Variants in DNAJB4 observed in about 807,000 individuals in gnomAD.
DNAJB4 encodes dnaJ homolog subfamily B member 4.
A neutral mutation model predicts 26.6 loss-of-function variants in DNAJB4; 10 were observed. That is an observed-to-expected ratio of 0.38 (90% CI 0.23 to 0.64). The LOEUF (loss-of-function observed/expected upper bound fraction) is 0.64, where lower values mean the gene tolerates loss of function less well. Ranked by LOEUF, DNAJB4 falls within the 30% of genes least tolerant of loss-of-function variation. The probability of loss-of-function intolerance (pLI) is 0.58; values close to 1 mark genes in which losing one functional copy is unlikely to be tolerated. For synonymous variants in DNAJB4, 136 were observed against 134.8 expected, an observed-to-expected ratio of 1.01 and a Z score of -0.06; for missense variants, 328 against 408.2, an observed-to-expected ratio of 0.80 and a Z score of 1.69.
intron 1 of DNAJB4, among the ~76,000 whole-genome samples, chr1:77,993,027 TTC>T (rs1405404987): frequency 2.6e-5 from 4 of 152,118 alleles, no homozygotes; most frequent in Non-Finnish European, 5.9e-5. Flanking sequence ...CCCGGCCTAT[TTC>T]TGAGTGTTTA....
chr1:77,983,689 G>A (rs1251700554), intron 1 of DNAJB4, among the ~76,000 whole-genome samples: 2 of 152,208 alleles, frequency 1.3e-5, no homozygotes, highest in Non-Finnish European at 2.9e-5. Flanking sequence ...ACATGTTTCA[G>A]AGAGCACAGG....
intron 1 of DNAJB4, among the ~76,000 whole-genome samples, chr1:78,006,772 C>T (rs1170397680): frequency 6.6e-6 from 1 of 152,166 alleles, no homozygotes; most frequent in East Asian, 1.9e-4. Flanking sequence ...CTTGGTTTAT[C>T]TCAAAAGCTA....
rs1481230231 is a variant in DNAJB4, at chr1:78,017,254, A to T, written c.*1007A>T. The T allele has an allele frequency of 6.6e-6, 1 of 151,952 alleles. No homozygotes were observed. Among genetic ancestry groups the T allele is most frequent in the African/African-American group, 2.4e-5 (1 of 41,412 alleles). 9.4% of individuals were successfully genotyped at this position (151,952 alleles called of 1,614,324 possible). A position where few individuals can be genotyped will look rare whatever the true frequency, so the allele number is the denominator to read the frequency against. On this transcript the variant is annotated 3_prime_UTR_variant, in exon 3 of 3. Transcript: ENST00000370763. ...ATGCATATAAATATTTTACTTTTTC[A>T]CATGTATAGATTGCATTTCTTAGGT... is the stretch of plus-strand genomic sequence containing the variant.
chr1:78,009,226 C>T (rs1660406231), intron 1 of DNAJB4, among the ~76,000 whole-genome samples: 1 of 152,034 alleles, frequency 6.6e-6, no homozygotes, highest in Non-Finnish European at 1.5e-5. Context: ...TGCTGTAAAT[C>T]TGGATTTTTA....
intron 2 of DNAJB4, among the ~76,000 whole-genome samples, chr1:78,015,330 C>T (rs1660605077): frequency 6.6e-6 from 1 of 152,132 alleles, no homozygotes; most frequent in East Asian, 1.9e-4. Flanking sequence ...ATTTCTCCCT[C>T]TTCTCCCATT....
intron 1 of DNAJB4, among the ~76,000 whole-genome samples, chr1:77,984,043 A>G (rs373335744): frequency 1.3e-5 from 2 of 152,220 alleles, no homozygotes; most frequent in South Asian, 4.1e-4. Flanking sequence ...GGGTACCTCC[A>G]GTGCCCTGTG....
chr1:77,984,456 C>T (rs894696956), intron 1 of DNAJB4, among the ~76,000 whole-genome samples: 2 of 152,046 alleles, frequency 1.3e-5, no homozygotes, highest in African/African-American at 4.8e-5. Context: ...TTCTTTCTTT[C>T]TTTCTTTTTT....
In DNAJB4 at chr1:78,005,332, T is replaced by C; in HGVS notation, c.211+11T>C. ...AGTTTGGGGAGGAAGGTAAGTATTC[T>C]CTGTATATCTTTCTGTCTCTTCAGC... On this transcript the variant is annotated intron_variant, in intron 1 of 2. Transcript: ENST00000370763. 1 of 1,597,890 alleles carries C rather than the reference T, an allele frequency of 6.3e-7. No homozygotes were observed. Among genetic ancestry groups the C allele is most frequent in the South Asian group, 1.1e-5 (1 of 88,024 alleles).
chr1:77,993,275 G>GTAT (rs964362170), intron 1 of DNAJB4, among the ~76,000 whole-genome samples: 1 of 151,900 alleles, frequency 6.6e-6, no homozygotes, highest in African/African-American at 2.4e-5. Flanking sequence ...TAGACATTAG[G>GTAT]TATTACTTTA....
chr1:77,999,458 T>C (rs2102600121), intron 1 of DNAJB4, among the ~76,000 whole-genome samples: 1 of 150,632 alleles, frequency 6.6e-6, no homozygotes, highest in Admixed American at 6.6e-5. Flanking sequence ...ACTGAGAAGA[T>C]AGTAAAATTC....
At chr1:77,991,192 T>C (rs1230779775) in intron 1 of DNAJB4, among the ~76,000 whole-genome samples, 1 of 152,192 alleles carries the variant, frequency 6.6e-6, no homozygotes, top group Non-Finnish European at 1.5e-5. Flanking sequence ...ATATAACAAA[T>C]ATCCCTTCAA....
At chr1:77,993,237 C>T (rs1404761790) in intron 1 of DNAJB4, among the ~76,000 whole-genome samples, 1 of 152,222 alleles carries the variant, frequency 6.6e-6, no homozygotes, top group African/African-American at 2.4e-5. Context: ...AGCTACTCAA[C>T]TCTACCGCTG....
intron 1 of DNAJB4, chr1:77,980,333 ATATATATGTG>A (rs1186380346): frequency 5.4e-4 from 66 of 123,100 alleles, no homozygotes; most frequent in Middle Eastern, 3.9e-3. Flanking sequence ...GTATATATAT[ATATATATGTG>A]TGTGTGTGTG....
chr1:78,012,159 C>CTTTTTTTTTTTT (rs1270987929), intron 1 of DNAJB4, among the ~76,000 whole-genome samples: 1 of 88,792 alleles, frequency 1.1e-5, no homozygotes, highest in African/African-American at 4.9e-5. Context: ...CTTTTCTTTT[C>CTTTTTTTTTTTT]TTTTTTTTTT....
intron 1 of DNAJB4, among the ~76,000 whole-genome samples, chr1:77,997,399 C>T (rs1404729033): frequency 6.6e-6 from 1 of 151,436 alleles, no homozygotes; most frequent in Non-Finnish European, 1.5e-5. Context: ...TGGTGTGAGC[C>T]TGTAATACCA....
At chr1:78,001,892 G>A (rs1382693619), upstream of DNAJB4, among the ~76,000 whole-genome samples, 1 of 152,120 alleles carries the variant, frequency 6.6e-6, no homozygotes, top group Non-Finnish European at 1.5e-5. Flanking sequence ...CAATGTTTGA[G>A]TAGCAAAGTA....
chr1:78,017,524 A>G lies in DNAJB4; in HGVS notation c.*1277A>G, dbSNP rs1660671464. On this transcript the variant is annotated 3_prime_UTR_variant, in exon 3 of 3. Transcript: ENST00000370763. ...TTTATTGAGATATAATTTACATGCCATAAAGTTTACCCTTAAAATATATAA... is the reference window on the plus strand; with the variant it reads ...TTTATTGAGATATAATTTACATGCCGTAAAGTTTACCCTTAAAATATATAA... 6.6e-6 allele frequency: 1 copy of G among 152,076 alleles called. No homozygotes were observed. Among genetic ancestry groups the G allele is most frequent in the Non-Finnish European group, 1.5e-5 (1 of 67,958 alleles). The allele number at this position is 152,076 out of a possible 1,614,324, so 9.4% of individuals were successfully genotyped here. A position where few individuals can be genotyped will look rare whatever the true frequency, so the allele number is the denominator to read the frequency against.
At chr1:77,987,360 C>T (rs770440578) in intron 1 of DNAJB4, among the ~76,000 whole-genome samples, 27 of 152,282 alleles carry the variant, frequency 1.8e-4, no homozygotes, top group Admixed American at 5.9e-4. Flanking sequence ...AGCTCTTGGG[C>T]TCAAGTGATC....
At chr1:78,005,992 A>T (rs1258367518) in intron 1 of DNAJB4, among the ~76,000 whole-genome samples, 4 of 152,236 alleles carry the variant, frequency 2.6e-5, no homozygotes. Flanking sequence ...TGTGCCAAGA[A>T]AATGAAATCT....
Sources: allele counts gnomAD v4.1 joint callset (sites outside exome capture counted in the v4.1 genomes callset), GRCh38; gene constraint gnomAD v4.1.1; transcripts MANE v1.5; gene names NCBI Gene and HGNC (gene_info 2026-07-23, HGNC 2026-07-21).